MARF1: variants seen among roughly 807,000 people sequenced by gnomAD.
MARF1 encodes meiosis regulator and mRNA stability factor 1.
Under a neutral mutation model 168.2 loss-of-function variants are expected in MARF1, and 24 were observed. The ratio of observed to expected loss-of-function variants is 0.14; its 90% confidence interval spans 0.10 to 0.20. The LOEUF (loss-of-function observed/expected upper bound fraction) is 0.20, where lower values mean the gene tolerates loss of function less well. Ranked by LOEUF, MARF1 falls within the 10% of genes least tolerant of loss-of-function variation. The pLI is 1.00. For synonymous variants in MARF1, 868 were observed against 822.4 expected, an observed-to-expected ratio of 1.06 and a Z score of -0.95; for missense variants, 1,744 against 2,143.6, an observed-to-expected ratio of 0.81 and a Z score of 3.68.
rs1248667984 is a variant in MARF1, at chr16:15,604,230, G to A, written c.4351C>T (p.Pro1451Ser). The change falls in exon 22 of 27, where the codon CCC (proline) becomes TCC (serine). Residue 1451 changes from proline (P) to serine (S), a missense_variant. This residue lies in a region of MARF1 where 74 missense variants were observed against 66.7 expected (regional missense o/e 1.11). Transcript: ENST00000396368. ...YESTHNTPLN[P>S]CEYGFMTLTE... is the part of the protein sequence containing the mutation. ...AAGGTCATGAATCCATATTCACAGG[G>A]GTTAAGGGGAGTGTTGTGGGTACTT... 1 of 1,614,214 alleles carries A rather than the reference G, an allele frequency of 6.2e-7. No individual in the cohort carries two copies. The highest frequency in any genetic ancestry group is 8.5e-7 in the Non-Finnish European group (1 of 1,180,040).
Position 15,599,181 on chromosome 16 carries a change from ACC to A in MARF1, c.4814-159_4814-158del, listed in dbSNP as rs1331423042. 54 of 695,402 alleles carry A rather than the reference ACC, an allele frequency of 7.8e-5. No individual in the cohort carries two copies. The East Asian group carries it at 1.5e-3, about 20-fold the overall frequency. The allele number at this position is 695,402 out of a possible 1,614,324, so 43.1% of individuals were successfully genotyped here. A position where few individuals can be genotyped will look rare whatever the true frequency, so the allele number is the denominator to read the frequency against. On this transcript the variant is annotated intron_variant, in intron 25 of 26. Transcript: ENST00000396368. ...AAAAAAAAAAAAAAAAAAAACAAAA[ACC>A]CAAAACCCACTAACAGGAAGATCCT...
chr16:15,639,483 C>T (rs1186102944), intron 1 of MARF1, among the ~76,000 whole-genome samples, 192 bp from the exon 2 acceptor site: 1 of 152,152 alleles, frequency 6.6e-6, no homozygotes, highest in Non-Finnish European at 1.5e-5. Context: ...TCACTGCAAC[C>T]TCCGTCTCCC....
At chr16:15,599,165 AAAAAAAAAAAC>A (rs1567524239) in intron 25 of MARF1, 141 bp from the exon 26 acceptor site, 3 of 796,880 alleles carry the variant, frequency 3.8e-6, no homozygotes, top group Admixed American at 5.5e-5. Context: ...AAAAAAAAAA[AAAAAAAAAAAC>A]AAAAACCCAA....
rs116688812 is a variant in MARF1, at chr16:15,637,227, C to T, written c.145-885G>A. On this transcript the variant is annotated intron_variant, in intron 2 of 26. Coordinates refer to ENST00000396368, the MANE Select transcript of MARF1 (RefSeq NM_014647.4). ...AAATAAGATAGAGCACATAGACCACCTGGCACAGTACCTAGCCACTGAAAG... is the reference window on the plus strand; with the variant it reads ...AAATAAGATAGAGCACATAGACCACTTGGCACAGTACCTAGCCACTGAAAG... Among the ~76,000 whole-genome samples the T allele has an allele frequency of 7.2e-3, 1,094 of 152,274 alleles. 9 individuals are homozygous for T. The highest frequency in any genetic ancestry group is 0.025 in the African/African-American group (1,032 of 41,558).
rs751242405 is a variant in MARF1, at chr16:15,621,774, T to G, written c.2598A>C (p.Ser866=). ...ATTTGCTGGCAGCCCCGGTGGCAAG[T>G]GAGACCAGGATCTTTTTGCTGCCAA... ...YKIGSKKILV[S]LATGAASKSL... The change falls in exon 12 of 27, where the codon TCA becomes TCC. Residue 866 remains serine, a synonymous_variant. Transcript: ENST00000396368. 3.1e-6 allele frequency: 5 copies of G among 1,614,186 alleles called. No homozygotes were observed. The highest frequency in any genetic ancestry group is 4.2e-6 in the Non-Finnish European group (5 of 1,180,028).
At chr16:15,607,746 C>T (rs1478273913) in intron 21 of MARF1, among the ~76,000 whole-genome samples, 2 of 152,230 alleles carry the variant, frequency 1.3e-5, no homozygotes, top group Non-Finnish European at 2.9e-5. Context: ...AAACTGGCAG[C>T]TGCTCTGCCT....
chr16:15,606,130 T>G (rs1375281448), intron 21 of MARF1: 1 of 152,370 alleles, frequency 6.6e-6, no homozygotes, highest in South Asian at 2.1e-4. Context: ...GAGCTGCTGT[T>G]GGGGTGGGAG....
In MARF1 at chr16:15,625,883, CA is replaced by C. The variant is rs2034808314; in HGVS notation, c.1525-84del. The C allele has an allele frequency of 8.3e-6, 9 of 1,089,866 alleles. No individual in the cohort carries two copies. In the Admixed American group the frequency reaches 1.7e-4, roughly 21 times the overall value. 67.5% of individuals were successfully genotyped at this position (1,089,866 alleles called of 1,614,324 possible). On this transcript the variant is annotated intron_variant, in intron 7 of 26. Transcript: ENST00000396368. ...CAAAATAAGAACAATGGGTGACCTC[CA>C]AACTTCAGTTAACAACTTTGAAGAG...
intron 1 of MARF1, among the ~76,000 whole-genome samples, chr16:15,641,346 G>A (rs1003763615): frequency 2.6e-5 from 4 of 152,052 alleles, no homozygotes; most frequent in African/African-American, 9.7e-5. Context: ...AGTAAATTAC[G>A]ATTCTTGTCT....
At chr16:15,640,814 A>G (rs894483993) in intron 1 of MARF1, among the ~76,000 whole-genome samples, 3 of 152,220 alleles carry the variant, frequency 2.0e-5, no homozygotes, top group Non-Finnish European at 4.4e-5. Flanking sequence ...TTGCATTCCA[A>G]TTGCAGAGTT....
intron 21 of MARF1, among the ~76,000 whole-genome samples, chr16:15,607,758 G>C (rs760389100): frequency 1.3e-5 from 2 of 152,210 alleles, no homozygotes; most frequent in Non-Finnish European, 2.9e-5. Flanking sequence ...GCTCTGCCTA[G>C]GACAGGAAGG....
intron 26 of MARF1, among the ~76,000 whole-genome samples, chr16:15,598,300 C>T (rs2031974725): frequency 1.3e-5 from 2 of 152,268 alleles, no homozygotes; most frequent in South Asian, 2.1e-4. Context: ...CACCTGGAGC[C>T]GTGGTAAGAG....
intron 20 of MARF1, chr16:15,608,837 G>GT (rs1378937377): frequency 2.8e-6 from 1 of 360,710 alleles, no homozygotes; most frequent in African/African-American, 2.0e-5. Context: ...CAGAAATTTG[G>GT]TTTAACTTAG....
chr16:15,602,611 A>T, intron 22 of MARF1: 1 of 123,268 alleles, frequency 8.1e-6, no homozygotes, highest in Non-Finnish European at 1.4e-5. Context: ...AGAAGAAGAA[A>T]GGAGGAGGAG....
chr16:15,606,776 T>C (rs1271843935), intron 21 of MARF1, among the ~76,000 whole-genome samples: 1 of 152,186 alleles, frequency 6.6e-6, no homozygotes, highest in African/African-American at 2.4e-5. Context: ...TCTAGACAGA[T>C]CCACATCAAT....
chr16:15,624,274 T>C (rs1370004699), intron 10 of MARF1, among the ~76,000 whole-genome samples: 2 of 152,188 alleles, frequency 1.3e-5, no homozygotes, highest in Non-Finnish European at 2.9e-5. Flanking sequence ...ACAAACACAA[T>C]GCTAAAAGGA....
chr16:15,624,805 A>T lies in MARF1; in HGVS notation c.2234T>A (p.Val745Asp), dbSNP rs2034720459. The T allele has an allele frequency of 6.2e-7, 1 of 1,614,116 alleles. No individual in the cohort carries two copies. Among genetic ancestry groups the T allele is most frequent in the Admixed American group, 1.7e-5 (1 of 60,010 alleles). Residue 745 changes from valine to aspartate, a missense_variant, in exon 10 of 27, where the codon GTC becomes GAC. Transcript: ENST00000396368. ...AGACTGAGATGCGAGCAGAGGACTG[A>T]CTTGCCTGGATGCAACTAACTTGCT... ...AFSKLVASRQ[V>D]SPLLASQSWS... is the part of the protein sequence containing the mutation.
At chr16:15,618,934 A>G (rs1169192582) in intron 13 of MARF1, among the ~76,000 whole-genome samples, 1 of 152,128 alleles carries the variant, frequency 6.6e-6, no homozygotes, top group African/African-American at 2.4e-5. Context: ...AAGGCAAAAC[A>G]CTCAGAATCA....
intron 8 of MARF1, 47 bp downstream of exon 8, chr16:15,625,325 A>C: frequency 3.2e-6 from 5 of 1,563,722 alleles, no homozygotes; most frequent in Non-Finnish European, 4.3e-6. Context: ...CACAGAAACA[A>C]ACCAAACCTA....
Sources: allele counts gnomAD v4.1 joint callset (sites outside exome capture counted in the v4.1 genomes callset), GRCh38; gene constraint gnomAD v4.1.1; regional missense constraint gnomAD v4.1.1; transcripts MANE v1.5; gene names NCBI Gene and HGNC (gene_info 2026-07-23, HGNC 2026-07-21).